Variants in NRXN1 observed in about 807,000 individuals in gnomAD.
The protein encoded by NRXN1 is neurexin 1.
Under a neutral mutation model 150.9 loss-of-function variants are expected in NRXN1, and 39 were observed. The ratio of observed to expected loss-of-function variants is 0.26; its 90% CI spans 0.20 to 0.34. NRXN1 has a LOEUF of 0.34. Ranked by LOEUF, NRXN1 falls within the 10% of genes least tolerant of loss-of-function variation. The pLI, the probability that NRXN1 is intolerant of heterozygous loss-of-function variation, is 1.00. For synonymous variants in NRXN1, 924 were observed against 757.0 expected (o/e 1.22, Z -3.62); for missense variants, 1,815 against 1,949.9 (o/e 0.93, Z 1.30).
chr2:50,004,182 C>A (rs1684393916), intron 21 of NRXN1, among the ~76,000 whole-genome samples: 1 of 151,958 alleles, frequency 6.6e-6, no homozygotes, highest in African/African-American at 2.4e-5. Flanking sequence ...TTTTAGGGAA[C>A]CCAGGAAGCT....
intron 5 of NRXN1, among the ~76,000 whole-genome samples, chr2:50,648,217 A>G (rs1685103530): frequency 6.6e-6 from 1 of 152,002 alleles, no homozygotes; most frequent in African/African-American, 2.4e-5. Context: ...AACCTCCCAC[A>G]GAGACCCTCT....
intron 18 of NRXN1, among the ~76,000 whole-genome samples, chr2:50,188,782 G>A (rs2061254446): frequency 6.6e-6 from 1 of 152,104 alleles, no homozygotes; most frequent in Non-Finnish European, 1.5e-5. Flanking sequence ...ATCATCACTG[G>A]TCATTAGAAA....
chr2:50,059,760 G>C (rs1182864013), intron 19 of NRXN1, among the ~76,000 whole-genome samples: 1 of 152,332 alleles, frequency 6.6e-6, no homozygotes, highest in Non-Finnish European at 1.5e-5. Flanking sequence ...GTACAGCTCA[G>C]GTCGTTGCTT....
chr2:50,613,422 C>T (rs1006136823), intron 8 of NRXN1, among the ~76,000 whole-genome samples: 2 of 152,108 alleles, frequency 1.3e-5, no homozygotes, highest in Non-Finnish European at 2.9e-5. Flanking sequence ...TCAGCCCATT[C>T]CAGCTGACAC....
intron 17 of NRXN1, among the ~76,000 whole-genome samples, chr2:50,334,361 T>A (rs2077049006): frequency 6.6e-6 from 1 of 152,084 alleles, no homozygotes; most frequent in Non-Finnish European, 1.5e-5. Flanking sequence ...ATTGCACTGT[T>A]GTTTTCTTTT....
intron 17 of NRXN1, among the ~76,000 whole-genome samples, chr2:50,284,831 C>A (rs896019937): frequency 6.6e-6 from 1 of 152,022 alleles, no homozygotes; most frequent in Non-Finnish European, 1.5e-5. Context: ...CCTTGCTTAA[C>A]CTCATGGATA....
intron 5 of NRXN1, among the ~76,000 whole-genome samples, chr2:50,624,281 T>C (rs963285193): frequency 6.6e-6 from 1 of 152,030 alleles, no homozygotes; most frequent in Non-Finnish European, 1.5e-5. Flanking sequence ...TTCTTGAAAA[T>C]TCAATTAATT....
intron 5 of NRXN1, among the ~76,000 whole-genome samples, chr2:50,869,425 A>G (rs1677434216): frequency 6.6e-6 from 1 of 151,688 alleles, no homozygotes; most frequent in Non-Finnish European, 1.5e-5. Context: ...GACACAGTTA[A>G]GGTATCCTGA....
At chr2:50,662,986 A>G (rs1687513496) in intron 5 of NRXN1, among the ~76,000 whole-genome samples, 2 of 152,158 alleles carry the variant, frequency 1.3e-5, no homozygotes, top group Admixed American at 1.3e-4. Flanking sequence ...ATTTTTAACA[A>G]ACACACAGAT....
chr2:50,735,222 A>G lies in NRXN1; in HGVS notation c.833-111607T>C, dbSNP rs372368471. Among the ~76,000 whole-genome samples the G allele has an allele frequency of 2.6e-5, 4 of 151,464 alleles. No individual in the cohort carries two copies. The South Asian group carries it at 8.3e-4, about 31-fold the overall frequency. On this transcript the variant is annotated intron_variant, in intron 5 of 22. Transcript: ENST00000401669. ...TATTTGTCTCTCTGGATACCTTTAT[A>G]ATTTTTTTTTAATTTCACCAAATCA... is the stretch of plus-strand genomic sequence containing the variant.
intron 17 of NRXN1, among the ~76,000 whole-genome samples, chr2:50,268,785 T>C (rs1456000276): frequency 6.6e-6 from 1 of 152,252 alleles, no homozygotes; most frequent in African/African-American, 2.4e-5. Context: ...ATAGGAACTA[T>C]GTCATCCAGA....
At chr2:51,002,830 C>A (rs555955415) in intron 2 of NRXN1, among the ~76,000 whole-genome samples, 4 of 152,006 alleles carry the variant, frequency 2.6e-5, no homozygotes, top group East Asian at 1.9e-4. Flanking sequence ...AAACTGTTTT[C>A]TTTCTCTGTT....
chr2:49,927,335 GA>G, intron 22 of NRXN1, among the ~76,000 whole-genome samples: 1 of 152,268 alleles, frequency 6.6e-6, no homozygotes, highest in Middle Eastern at 3.4e-3. Context: ...TAATTTAAAA[GA>G]CTTTTGTGAT....
chr2:50,591,242 T>TA (rs2103808323), intron 8 of NRXN1, among the ~76,000 whole-genome samples: 1 of 148,370 alleles, frequency 6.7e-6, no homozygotes, highest in Admixed American at 6.6e-5. Flanking sequence ...TAGCATGTAG[T>TA]AAAATGTCTG....
intron 2 of NRXN1, among the ~76,000 whole-genome samples, chr2:51,026,924 A>C (rs1670579785): frequency 6.6e-6 from 1 of 152,220 alleles, no homozygotes; most frequent in East Asian, 1.9e-4. Context: ...AACGAAAAGC[A>C]GGTTTTTACC....
At chr2:50,262,160 A>T (rs1373833422) in intron 17 of NRXN1, among the ~76,000 whole-genome samples, 1 of 151,960 alleles carries the variant, frequency 6.6e-6, no homozygotes, top group Non-Finnish European at 1.5e-5. Flanking sequence ...TTGACTTTCA[A>T]CAAAATTGCA....
chr2:50,893,127 T>C (rs1285953744), intron 5 of NRXN1, among the ~76,000 whole-genome samples: 1 of 152,168 alleles, frequency 6.6e-6, no homozygotes, highest in East Asian at 1.9e-4. Context: ...GATTCTTTCC[T>C]CTTTTATCAC....
intron 5 of NRXN1, among the ~76,000 whole-genome samples, chr2:50,796,386 G>A (rs1229943990): frequency 6.6e-6 from 1 of 152,078 alleles, no homozygotes; most frequent in African/African-American, 2.4e-5. Context: ...CTGGCCACAC[G>A]GGTAATATAT....
intron 5 of NRXN1, among the ~76,000 whole-genome samples, chr2:50,855,253 C>A (rs930879380): frequency 3.3e-5 from 5 of 151,882 alleles, no homozygotes; most frequent in Non-Finnish European, 7.4e-5. Flanking sequence ...TTGAAAGTAT[C>A]TTAAAGTATA....
Sources: allele counts gnomAD v4.1 joint callset (sites outside exome capture counted in the v4.1 genomes callset), GRCh38; gene constraint gnomAD v4.1.1; transcripts MANE v1.5; gene names NCBI Gene and HGNC (gene_info 2026-07-23, HGNC 2026-07-21).